The following RAB38 variants were observed in gnomAD, a reference collection of about 807,000 sequenced individuals.
RAB38 encodes RAB38, member RAS oncogene family.
RAB38 carries 15 observed loss-of-function variants against 18.4 expected under a neutral mutation model. That is an observed-to-expected ratio of 0.82 (90% confidence interval 0.55 to 1.26). The LOEUF is 1.26. RAB38 is among the 50% of genes most tolerant of loss of function. The probability of loss-of-function intolerance (pLI) is 0.00; values close to 1 mark genes in which losing one functional copy is unlikely to be tolerated. For synonymous variants in RAB38, 101 were observed against 104.4 expected, an observed-to-expected ratio of 0.97 and a Z score of 0.20; for missense variants, 294 against 267.4, an observed-to-expected ratio of 1.10 and a Z score of -0.69.
the RAB38 span, among the ~76,000 whole-genome samples, chr11:87,925,189 A>T: frequency 1.3e-5 from 2 of 152,218 alleles, no homozygotes; most frequent in East Asian, 3.9e-4. Context: ...ATCTGAGTAT[A>T]CTGAAAAGTT....
At chr11:87,838,029 T>A in the RAB38 span, among the ~76,000 whole-genome samples, 1 of 152,214 alleles carries the variant, frequency 6.6e-6, no homozygotes, top group Non-Finnish European at 1.5e-5. Context: ...CTTTCATGTG[T>A]GAATGTTGCT....
chr11:87,809,573 G>T, the RAB38 span, among the ~76,000 whole-genome samples: 1 of 152,094 alleles, frequency 6.6e-6, no homozygotes. Flanking sequence ...CATGGGAAAA[G>T]ACAGAAAATC....
At chr11:88,166,849 G>T (rs1158674383) in intron 1 of RAB38, 2 of 152,064 alleles carry the variant, frequency 1.3e-5, no homozygotes, top group Non-Finnish European at 2.9e-5. Context: ...ATAAAGTTGT[G>T]AAGTTTTTCA....
chr11:88,110,593 C>A (rs1942460819), downstream of RAB38, among the ~76,000 whole-genome samples: 1 of 151,852 alleles, frequency 6.6e-6, no homozygotes, highest in Admixed American at 6.6e-5. Flanking sequence ...CCGAGGTGGG[C>A]AGATTATGAG....
At chr11:87,957,541 A>G in the RAB38 span, among the ~76,000 whole-genome samples, 1 of 152,204 alleles carries the variant, frequency 6.6e-6, no homozygotes, top group African/African-American at 2.4e-5. Context: ...AGAATCTAAT[A>G]GTAATCAACT....
chr11:88,143,299 T>C (rs1374588614), intron 2 of RAB38, among the ~76,000 whole-genome samples: 1 of 152,204 alleles, frequency 6.6e-6, no homozygotes, highest in African/African-American at 2.4e-5. Flanking sequence ...TAAAGAGAAG[T>C]TATTCTTATT....
rs373886944 is a variant in RAB38 at position 88,175,397 on chromosome 11, C to T, written c.-13G>A. On this transcript the variant is annotated 5_prime_UTR_variant, in exon 1 of 3. Transcript: ENST00000243662. ...GCGGGGCCTGCATCCTGGCGGCCGG[C>T]CAGACGTGCCGTGCCTGACCAGGGA... 18 of 1,613,754 alleles carry T rather than the reference C, an allele frequency of 1.1e-5. No individual in the cohort carries two copies. In the African/African-American group the frequency reaches 2.3e-4, roughly 20 times the overall value.
the RAB38 span, among the ~76,000 whole-genome samples, chr11:88,027,971 G>A: frequency 1.3e-5 from 2 of 152,148 alleles, no homozygotes; most frequent in Admixed American, 1.3e-4. Context: ...TAACTGGGAG[G>A]CACCCCCCAG....
At chr11:87,833,140 G>C in the RAB38 span, among the ~76,000 whole-genome samples, 1 of 152,024 alleles carries the variant, frequency 6.6e-6, no homozygotes, top group African/African-American at 2.4e-5. Context: ...AAAATGTGTT[G>C]CTCAGTTCCT....
At chr11:87,818,507 C>G in the RAB38 span, among the ~76,000 whole-genome samples, 2 of 152,136 alleles carry the variant, frequency 1.3e-5, no homozygotes, top group East Asian at 3.9e-4. Context: ...TAATCAAAGA[C>G]AGAGCTAAAA....
the RAB38 span, among the ~76,000 whole-genome samples, chr11:88,072,640 T>C: frequency 6.6e-6 from 1 of 152,040 alleles, no homozygotes; most frequent in Non-Finnish European, 1.5e-5. Context: ...CTGAATAAAC[T>C]ATGGATAAAA....
chr11:87,819,702 G>A, the RAB38 span, among the ~76,000 whole-genome samples: 375 of 3,352 alleles, frequency 0.11, 4 homozygotes, highest in African/African-American at 0.21. Context: ...GTGTGTGTGT[G>A]TATATATATA....
chr11:88,104,381 G>T, the RAB38 span, among the ~76,000 whole-genome samples: 1 of 151,984 alleles, frequency 6.6e-6, no homozygotes, highest in Admixed American at 6.6e-5. Context: ...TTGAAAATTG[G>T]TGCCATCTAA....
chr11:87,900,086 A>T, the RAB38 span, among the ~76,000 whole-genome samples: 144,888 of 151,582 alleles, frequency 0.96, 69,279 homozygotes, highest in East Asian at 1. Flanking sequence ...CCTTACACCA[A>T]GGAGCTTACA....
the RAB38 span, among the ~76,000 whole-genome samples, chr11:87,886,891 A>G: frequency 1.3e-5 from 2 of 151,058 alleles, no homozygotes; most frequent in East Asian, 2.0e-4. Context: ...TCTATGTTCA[A>G]TGGATATATA....
the RAB38 span, among the ~76,000 whole-genome samples, chr11:87,819,418 C>T: frequency 3.4e-5 from 5 of 148,678 alleles, no homozygotes; most frequent in East Asian, 3.9e-4. Context: ...CACTGAAAAA[C>T]GAGAAAATGA....
chr11:87,966,519 C>T, the RAB38 span, among the ~76,000 whole-genome samples: 2 of 152,106 alleles, frequency 1.3e-5, no homozygotes, highest in South Asian at 2.1e-4. Context: ...AAGAAGGCAG[C>T]AATGCCTTAA....
the RAB38 span, among the ~76,000 whole-genome samples, chr11:87,803,882 A>T: frequency 1.3e-5 from 2 of 152,246 alleles, no homozygotes; most frequent in Admixed American, 6.5e-5. Context: ...TTAGGCCCCA[A>T]GGCCTGAGAA....
At chr11:88,146,735 C>T (rs141862000) in intron 2 of RAB38, among the ~76,000 whole-genome samples, 60 of 152,260 alleles carry the variant, frequency 3.9e-4, no homozygotes, top group African/African-American at 1.3e-3. Flanking sequence ...ACAGGCAAGC[C>T]GTTTTCGTTA....
Sources: allele counts gnomAD v4.1 joint callset (sites outside exome capture counted in the v4.1 genomes callset), GRCh38; gene constraint gnomAD v4.1.1; transcripts MANE v1.5; gene names NCBI Gene and HGNC (gene_info 2026-07-23, HGNC 2026-07-21).